The following KHDRBS2 variants were observed in gnomAD, a reference collection of about 807,000 sequenced individuals.
The protein encoded by KHDRBS2 is KH domain-containing, RNA-binding, signal transduction-associated protein 2.
KHDRBS2 carries 26 observed loss-of-function variants against 44.3 expected under a neutral mutation model. The ratio of observed to expected loss-of-function variants is 0.59; its 90% CI spans 0.43 to 0.81. KHDRBS2 has a LOEUF of 0.81. KHDRBS2 is among the 40% of genes least tolerant of loss of function. The probability of loss-of-function intolerance (pLI) is 0.00; values close to 1 mark genes in which losing one functional copy is unlikely to be tolerated. For synonymous variants in KHDRBS2, 194 were observed against 151.1 expected (o/e 1.28, Z -2.08); for missense variants, 476 against 433.1 (o/e 1.10, Z -0.88).
chr6:61,742,901 T>C lies in KHDRBS2; in HGVS notation c.811-10137A>G, dbSNP rs180987507. On this transcript the variant is annotated intron_variant, in intron 6 of 8. Transcript: ENST00000281156. ...GTAGATTGTAGCTGCTAAACAATTT[T>C]CCCTTATATATGTACACTCAATATA... Among the ~76,000 whole-genome samples, 144 of 152,198 alleles carry C rather than the reference T, an allele frequency of 9.5e-4. 1 individual carries two copies. Among genetic ancestry groups the C allele is most frequent in the African/African-American group, 3.3e-3 (136 of 41,566 alleles).
In KHDRBS2 at chr6:61,701,193, G is replaced by A. The variant is rs1336966519; in HGVS notation, c.894-3940C>T. Among the ~76,000 whole-genome samples, 2 of 151,894 alleles carry A rather than the reference G, an allele frequency of 1.3e-5. 1 individual carries two copies. Among genetic ancestry groups the A allele is most frequent in the Non-Finnish European group, 2.9e-5 (2 of 67,948 alleles). ...TGTTGAACAAAGCCCAACTATTGGTGATCCTTGCTACTTTTTAGAAAGGTT... is the reference window on the plus strand; with the variant it reads ...TGTTGAACAAAGCCCAACTATTGGTAATCCTTGCTACTTTTTAGAAAGGTT... On this transcript the variant is annotated intron_variant, in intron 7 of 8. Coordinates refer to ENST00000281156, the MANE Select transcript of KHDRBS2 (RefSeq NM_152688.4).
In KHDRBS2 at chr6:62,045,817, G is replaced by A. The variant is rs185277075; in HGVS notation, c.336+2061C>T. Among the ~76,000 whole-genome samples the A allele has an allele frequency of 8.0e-4, 121 of 151,618 alleles. 1 individual carries two copies. Among genetic ancestry groups the A allele is most frequent in the African/African-American group, 2.5e-3 (103 of 41,432 alleles). On this transcript the variant is annotated intron_variant, in intron 3 of 8. Coordinates refer to ENST00000281156, the MANE Select transcript of KHDRBS2 (RefSeq NM_152688.4). ...GCATCATAATCAATAATTTACCAAGGATTTATCTTTTATTTTAATCAAGTG... is the reference window on the plus strand; with the variant it reads ...GCATCATAATCAATAATTTACCAAGAATTTATCTTTTATTTTAATCAAGTG...
intron 6 of KHDRBS2, among the ~76,000 whole-genome samples, chr6:61,773,441 T>C (rs1405620430): frequency 1.3e-5 from 2 of 152,312 alleles, no homozygotes; most frequent in South Asian, 2.1e-4. Flanking sequence ...AAATGTCTTC[T>C]TTTGAGAAGT....
chr6:61,720,232 A>G lies in KHDRBS2; in HGVS notation c.893+12450T>C, dbSNP rs1485170069. On this transcript the variant is annotated intron_variant, in intron 7 of 8. Transcript: ENST00000281156. ...TTGCTATTGTGAATAATGCCGCAAT[A>G]AACATACGTGTGCATGTGTCTTTGT... 4.6e-5 allele frequency among the ~76,000 whole-genome samples: 7 copies of G among 152,164 alleles called. No individual in the cohort carries two copies. The East Asian group carries it at 1.3e-3, about 29-fold the overall frequency.
intron 2 of KHDRBS2, among the ~76,000 whole-genome samples, chr6:62,144,884 T>G (rs940524307): frequency 1.3e-5 from 2 of 151,906 alleles, no homozygotes; most frequent in Non-Finnish European, 2.9e-5. Context: ...AAGAAGGTCA[T>G]GTAATAGACC....
intron 4 of KHDRBS2, among the ~76,000 whole-genome samples, chr6:61,913,001 C>T (rs867751706): frequency 2.2e-4 from 33 of 152,208 alleles, no homozygotes; most frequent in Middle Eastern, 3.4e-3. Context: ...TGCTAAGCTG[C>T]TTGTGTCTAT....
intron 6 of KHDRBS2, among the ~76,000 whole-genome samples, chr6:61,746,791 G>A (rs910839840): frequency 6.6e-6 from 1 of 152,016 alleles, no homozygotes; most frequent in Non-Finnish European, 1.5e-5. Flanking sequence ...GAAAACCTAG[G>A]CCATGCCATT....
chr6:62,009,204 G>A (rs1779830624), intron 3 of KHDRBS2, among the ~76,000 whole-genome samples: 1 of 152,170 alleles, frequency 6.6e-6, no homozygotes, highest in African/African-American at 2.4e-5. Flanking sequence ...GTTGGGAACT[G>A]GAGTAAAGGT....
intron 4 of KHDRBS2, among the ~76,000 whole-genome samples, chr6:61,955,011 T>G (rs1302951126): frequency 7.0e-6 from 1 of 143,784 alleles, no homozygotes; most frequent in Non-Finnish European, 1.5e-5. Context: ...TACATATGTA[T>G]GTATACACAC....
chr6:61,611,984 G>T, the KHDRBS2 span, among the ~76,000 whole-genome samples: 1 of 152,168 alleles, frequency 6.6e-6, no homozygotes, highest in African/African-American at 2.4e-5. Flanking sequence ...ATAGGAGAGA[G>T]CTAATAGAAT....
At chr6:61,564,908 T>C in the KHDRBS2 span, among the ~76,000 whole-genome samples, 1 of 152,088 alleles carries the variant, frequency 6.6e-6, no homozygotes, top group Non-Finnish European at 1.5e-5. Flanking sequence ...CAGAGTTTAG[T>C]AACCAAAATA....
the KHDRBS2 span, among the ~76,000 whole-genome samples, chr6:61,543,407 C>T: frequency 6.6e-6 from 1 of 151,898 alleles, no homozygotes; most frequent in Non-Finnish European, 1.5e-5. Flanking sequence ...ATCATCTCAT[C>T]CCAGTTAAAA....
chr6:61,936,971 T>C lies in KHDRBS2; in HGVS notation c.484-35600A>G, dbSNP rs374300344. On this transcript the variant is annotated intron_variant, in intron 4 of 8. Transcript: ENST00000281156. Reference sequence around the variant, plus strand: ...TTTAAATTATTTTTAGGACTTACTATGTTTATAGTTTTGAAATTTTTTTAT... The same window carrying C: ...TTTAAATTATTTTTAGGACTTACTACGTTTATAGTTTTGAAATTTTTTTAT... Among the ~76,000 whole-genome samples the C allele has an allele frequency of 2.3e-3, 347 of 152,210 alleles. 2 individuals carry two copies. Among genetic ancestry groups the C allele is most frequent in the African/African-American group, 8.2e-3 (339 of 41,592 alleles).
intron 2 of KHDRBS2, among the ~76,000 whole-genome samples, chr6:62,138,131 G>A (rs1811968906): frequency 6.6e-6 from 1 of 152,168 alleles, no homozygotes; most frequent in Admixed American, 6.5e-5. Context: ...AAGACTTGGA[G>A]TTCAAGCAAT....
At chr6:61,710,208 A>G (rs144481085) in intron 7 of KHDRBS2, among the ~76,000 whole-genome samples, 3,384 of 151,842 alleles carry the variant, frequency 0.022, 66 homozygotes, top group South Asian at 0.091. Context: ...AAAATGTCAC[A>G]TTCACCCAGA....
intron 2 of KHDRBS2, among the ~76,000 whole-genome samples, chr6:62,095,334 G>A (rs1800351571): frequency 1.3e-5 from 2 of 151,660 alleles, no homozygotes; most frequent in Admixed American, 1.3e-4. Context: ...ACATACAAAG[G>A]TGGTCCCATA....
intron 6 of KHDRBS2, among the ~76,000 whole-genome samples, chr6:61,797,923 G>C (rs1344192714): frequency 2.0e-5 from 3 of 151,888 alleles, no homozygotes; most frequent in Non-Finnish European, 2.9e-5. Flanking sequence ...AGATGGATAA[G>C]TTGCATGTCA....
intron 4 of KHDRBS2, among the ~76,000 whole-genome samples, chr6:61,910,348 G>A (rs1805831525): frequency 6.6e-6 from 1 of 152,178 alleles, no homozygotes; most frequent in Non-Finnish European, 1.5e-5. Flanking sequence ...GATTTATTAA[G>A]CATCTGCTTG....
chr6:62,036,673 A>G (rs1785344736), intron 3 of KHDRBS2, among the ~76,000 whole-genome samples: 1 of 152,034 alleles, frequency 6.6e-6, no homozygotes, highest in African/African-American at 2.4e-5. Context: ...CTTGATGTTA[A>G]TCTACTAGTG....
Sources: gnomAD v4.1 joint callset for allele counts (sites outside exome capture counted in the v4.1 genomes callset) on GRCh38, gnomAD v4.1.1 for gene constraint, MANE v1.5 for transcripts, NCBI Gene and HGNC (gene_info 2026-07-23, HGNC 2026-07-21) for gene names.